TMEM39A: variants seen among roughly 807,000 people sequenced by gnomAD.
The protein encoded by TMEM39A is suppressor of SQST-1 aggregates in rpl-43 mutants.
A neutral mutation model predicts 51.9 loss-of-function variants in TMEM39A; 19 were observed. That is an observed-to-expected ratio of 0.37 (90% CI 0.26 to 0.54). TMEM39A has a LOEUF of 0.54. Among genes scored for constraint, TMEM39A ranks in the 20% least tolerant of loss-of-function variants. The pLI is 0.88. For missense variants in TMEM39A, 433 were observed against 590.5 expected (o/e 0.73, Z 2.76); for synonymous variants, 197 against 220.2 (o/e 0.89, Z 0.93).
At position 119,436,796 on chromosome 3, in the gene TMEM39A, C is replaced by T; in HGVS notation, c.1107G>A (p.Gln369=). ...TTACCCTCTAGCTTACTCACATGTG[C>T]TGTGGAGCATTGCTGTAGGACCCAT... ...LEHGSYSNAP[Q]HIWSENTIWP... The change falls in exon 7 of 9, where the codon CAG becomes CAA. Residue 369 remains glutamine, a synonymous_variant. Coordinates refer to ENST00000319172, the MANE Select transcript of TMEM39A (RefSeq NM_018266.3). 6.2e-7 allele frequency: 1 copy of T among 1,611,928 alleles called. No individual in the cohort carries two copies. Among genetic ancestry groups the T allele is most frequent in the Non-Finnish European group, 8.5e-7 (1 of 1,178,672 alleles).
At chr3:119,433,946 T>C (rs185247500) in intron 8 of TMEM39A, among the ~76,000 whole-genome samples, 14 of 152,290 alleles carry the variant, frequency 9.2e-5, no homozygotes, top group African/African-American at 3.4e-4. Context: ...AAAGTCCATA[T>C]ACCCTCACAG....
At chr3:119,437,058 G>T in intron 6 of TMEM39A, 80 bp from the exon 7 acceptor site, 1 of 1,312,536 alleles carries the variant, frequency 7.6e-7, no homozygotes, top group Non-Finnish European at 1.1e-6. Flanking sequence ...CATATGCCCT[G>T]CAGACAAATG....
chr3:119,439,569 A>C (rs2081022100), intron 5 of TMEM39A, among the ~76,000 whole-genome samples: 1 of 146,354 alleles, frequency 6.8e-6, no homozygotes, highest in South Asian at 2.3e-4. Context: ...ACAAGAGTGA[A>C]ACTCCTTCTC....
At chr3:119,444,126 G>A (rs1470284084) in intron 5 of TMEM39A, among the ~76,000 whole-genome samples, 1 of 127,522 alleles carries the variant, frequency 7.8e-6, no homozygotes, top group African/African-American at 3.1e-5. Flanking sequence ...GTTTTAAGGG[G>A]TGTGGAGAGC....
chr3:119,455,931 A>C (rs902543551), intron 3 of TMEM39A, among the ~76,000 whole-genome samples: 7 of 152,322 alleles, frequency 4.6e-5, no homozygotes, highest in Non-Finnish European at 8.8e-5. Context: ...TTGGGCACTC[A>C]CTATGCCGCT....
rs71293252 is a variant in TMEM39A, at chr3:119,443,906, AAAAATAAAAT to A, written c.575+3102_575+3111del. On this transcript the variant is annotated intron_variant, in intron 5 of 8. Transcript: ENST00000319172. ...GGCAACACAGCAAGACCTTGTCTCA[AAAAATAAAAT>A]AAAATAAAATAAAATAAAATAGACT... is the stretch of plus-strand genomic sequence containing the variant. Among the ~76,000 whole-genome samples the A allele has an allele frequency of 2.5e-3, 373 of 149,586 alleles. 4 individuals carry two copies. In the East Asian group the frequency reaches 0.047, roughly 19 times the overall value.
Position 119,448,198 on chromosome 3 carries a change from T to C in TMEM39A, c.421-1026A>G, listed in dbSNP as rs551860316. 7.9e-5 allele frequency among the ~76,000 whole-genome samples: 12 copies of C among 152,348 alleles called. No homozygotes were observed. In the South Asian group the frequency reaches 1.9e-3, roughly 24 times the overall value. ...TCTTTTTATCACAGCTATTCAAATA[T>C]GCTTCTTCAATCGCAAATCTTTAAA... On this transcript the variant is annotated intron_variant, in intron 4 of 8. Coordinates refer to ENST00000319172, the MANE Select transcript of TMEM39A (RefSeq NM_018266.3).
At chr3:119,458,284 A>G in intron 2 of TMEM39A, 44 bp from the exon 3 acceptor site, 2 of 1,543,624 alleles carry the variant, frequency 1.3e-6, no homozygotes, top group Non-Finnish European at 1.8e-6. Context: ...GATAACCTCC[A>G]GTATCACAGA....
At chr3:119,444,176 G>A (rs1374089777) in intron 5 of TMEM39A, among the ~76,000 whole-genome samples, 1 of 152,078 alleles carries the variant, frequency 6.6e-6, no homozygotes, top group African/African-American at 2.4e-5. Flanking sequence ...AATTGAAACA[G>A]AAAAGTTTGC....
At chr3:119,457,063 C>T (rs1367629260) in intron 3 of TMEM39A, among the ~76,000 whole-genome samples, 2 of 151,978 alleles carry the variant, frequency 1.3e-5, no homozygotes, top group African/African-American at 4.8e-5. Context: ...CTCCACCTCC[C>T]GGGTTCATGC....
intron 4 of TMEM39A, 52 bp from the exon 5 acceptor site, chr3:119,447,224 A>G (rs2081139570): frequency 6.4e-7 from 1 of 1,572,978 alleles, no homozygotes; most frequent in Non-Finnish European, 8.7e-7. Context: ...TCTTCTTCAA[A>G]AGCATTGTAA....
Position 119,437,050 on chromosome 3 carries a change from T to C in TMEM39A, c.925-72A>G, listed in dbSNP as rs2080979458. On this transcript the variant is annotated intron_variant, in intron 6 of 8. Transcript: ENST00000319172. ...AGAGGCAGGGATGGGTTGGTGTACA[T>C]ATGCCCTGCAGACAAATGCCACACT... The C allele has an allele frequency of 4.9e-6, 7 of 1,423,986 alleles. No homozygotes were observed. The South Asian group carries it at 5.3e-5, about 11-fold the overall frequency. 88.2% of individuals were successfully genotyped at this position (1,423,986 alleles called of 1,614,324 possible).
In TMEM39A at chr3:119,431,644, G is replaced by C. The variant is rs1132202; in HGVS notation, c.*337C>G. 0.13 allele frequency: 21,767 copies of C among 165,786 alleles called. 1,543 individuals are homozygous for C. The highest frequency in any genetic ancestry group is 0.18 in the South Asian group (1,074 of 6,070). The allele number at this position is 165,786 out of a possible 1,614,324, so 10.3% of individuals were successfully genotyped here. A position where few individuals can be genotyped will look rare whatever the true frequency, so the allele number is the denominator to read the frequency against. On this transcript the variant is annotated 3_prime_UTR_variant, in exon 9 of 9. Transcript: ENST00000319172. The stretch of plus-strand genomic sequence containing the variant: ...GCCAGCTGAGGGCTAAAGATAATGA[G>C]GATTGAAAGAAAAGCAGACATACCA...
chr3:119,448,082 A>T (rs545923734), intron 4 of TMEM39A, among the ~76,000 whole-genome samples: 1 of 152,348 alleles, frequency 6.6e-6, no homozygotes, highest in East Asian at 1.9e-4. Flanking sequence ...AGTTTCAAAA[A>T]ATAATCCGAT....
In TMEM39A at chr3:119,430,859, G is replaced by A. The variant is rs9688; in HGVS notation, c.*1122C>T. On this transcript the variant is annotated 3_prime_UTR_variant, in exon 9 of 9. Coordinates refer to ENST00000319172, the MANE Select transcript of TMEM39A (RefSeq NM_018266.3). ...AGTGTAACAAACCAAACTCAGCACA[G>A]AAAACATATGACAATATATTTTAGA... is the stretch of plus-strand genomic sequence containing the variant. 6.6e-6 allele frequency: 1 copy of A among 152,028 alleles called. No homozygotes were observed. Among genetic ancestry groups the A allele is most frequent in the African/African-American group, 2.4e-5 (1 of 41,386 alleles). The allele number at this position is 152,028 out of a possible 1,614,324, so 9.4% of individuals were successfully genotyped here.
At chr3:119,457,002 G>C (rs1163447345) in intron 3 of TMEM39A, among the ~76,000 whole-genome samples, 1 of 144,672 alleles carries the variant, frequency 6.9e-6, no homozygotes, top group Non-Finnish European at 1.5e-5. Flanking sequence ...ACAGAGTCTC[G>C]CTCTGTCGCC....
intron 5 of TMEM39A, among the ~76,000 whole-genome samples, chr3:119,446,216 C>G (rs1279617956): frequency 6.6e-6 from 1 of 152,198 alleles, no homozygotes; most frequent in Non-Finnish European, 1.5e-5. Context: ...AGAACTTTCC[C>G]TTTTCACTTA....
In TMEM39A at chr3:119,433,850, C is replaced by T. The variant is rs138526890; in HGVS notation, c.1233+912G>A. ...TCTGCCCCACCCTGCATTCCCCTAC[C>T]ATGGTATTTATAAGCATCATGCCCA... On this transcript the variant is annotated intron_variant, in intron 8 of 8. Transcript: ENST00000319172. Among the ~76,000 whole-genome samples, 899 of 152,294 alleles carry T rather than the reference C, an allele frequency of 5.9e-3. 8 individuals carry two copies. Among genetic ancestry groups the T allele is most frequent in the African/African-American group, 0.021 (859 of 41,560 alleles).
intron 1 of TMEM39A, among the ~76,000 whole-genome samples, chr3:119,462,764 T>C (rs1366476042): frequency 6.6e-6 from 1 of 151,576 alleles, no homozygotes; most frequent in East Asian, 1.9e-4. Flanking sequence ...TATCTCTATA[T>C]GTTAGGGTTA....
Sources: gnomAD v4.1 joint callset for allele counts (sites outside exome capture counted in the v4.1 genomes callset) on GRCh38, gnomAD v4.1.1 for gene constraint, MANE v1.5 for transcripts, NCBI Gene and HGNC (gene_info 2026-07-23, HGNC 2026-07-21) for gene names.